Variants in STRN observed in about 807,000 individuals in gnomAD.
The protein encoded by STRN is protein phosphatase 2 regulatory subunit B'''alpha.
Under a neutral mutation model 96.3 loss-of-function variants are expected in STRN, and 53 were observed. That is an observed-to-expected ratio of 0.55 (90% CI 0.44 to 0.69). The LOEUF is 0.69. Among genes scored for constraint, STRN ranks in the 30% least tolerant of loss-of-function variants. The pLI is 0.00. For missense variants in STRN, 987 were observed against 963.9 expected (o/e 1.02, Z -0.32); for synonymous variants, 428 against 355.9 (o/e 1.20, Z -2.28).
Position 36,887,042 on chromosome 2 carries a change from G to GACAC in STRN, c.932-220_932-217dup, listed in dbSNP as rs70946957. On this transcript the variant is annotated intron_variant, in intron 7 of 17. Transcript: ENST00000263918. Reference sequence around the variant, plus strand: ...TTCCTAGAATCAGTTTCTCCTGAAAGACACACACACACACACACACACACA... The same window carrying GACAC: ...TTCCTAGAATCAGTTTCTCCTGAAAGACACACACACACACACACACACACACACA... 1.1e-3 allele frequency among the ~76,000 whole-genome samples: 156 copies of GACAC among 144,882 alleles called. 1 individual carries two copies. The highest frequency in any genetic ancestry group is 3.2e-3 in the African/African-American group (123 of 38,512).
At position 36,845,368 on chromosome 2, in the gene STRN, A is replaced by C. The variant is rs1668040574; in HGVS notation, c.*4088T>G. Reference sequence around the variant, plus strand: ...AAGCACCAACATAGATTTTTTTTTAATTGCATCCAACCATCATTTCAGATG... The same window carrying C: ...AAGCACCAACATAGATTTTTTTTTACTTGCATCCAACCATCATTTCAGATG... On this transcript the variant is annotated 3_prime_UTR_variant, in exon 18 of 18. Coordinates refer to ENST00000263918, the MANE Select transcript of STRN (RefSeq NM_003162.4). 1 of 152,142 alleles carries C rather than the reference A, an allele frequency of 6.6e-6. No individual in the cohort carries two copies. Among genetic ancestry groups the C allele is most frequent in the African/African-American group, 2.4e-5 (1 of 41,446 alleles). The allele number at this position is 152,142 out of a possible 1,614,324, so 9.4% of individuals were successfully genotyped here.
At chr2:36,883,837 A>G (rs929066481) in intron 9 of STRN, 95 bp downstream of exon 9, 3 of 1,182,604 alleles carry the variant, frequency 2.5e-6, no homozygotes, top group Non-Finnish European at 3.3e-6. Flanking sequence ...TCTGCAGAAT[A>G]AAGTTCTCTC....
chr2:36,851,676 C>T (rs921661842), intron 15 of STRN, among the ~76,000 whole-genome samples: 1 of 152,230 alleles, frequency 6.6e-6, no homozygotes, highest in African/African-American at 2.4e-5. Flanking sequence ...TCTAGAGCCA[C>T]TAACGCTGTT....
chr2:36,871,544 C>A (rs1668763211), intron 10 of STRN, among the ~76,000 whole-genome samples: 1 of 152,128 alleles, frequency 6.6e-6, no homozygotes, highest in Admixed American at 6.6e-5. Context: ...GAATGTATCC[C>A]TATCATTAAG....
At chr2:36,891,514 G>A (rs985541332) in intron 7 of STRN, among the ~76,000 whole-genome samples, 2 of 136,702 alleles carry the variant, frequency 1.5e-5, no homozygotes, top group Non-Finnish European at 3.4e-5. Context: ...AACAGAGTGA[G>A]ACTCTGTCAA....
intron 2 of STRN, 99 bp downstream of exon 2, chr2:36,925,006 A>C (rs1377507967): frequency 2.8e-6 from 3 of 1,073,866 alleles, no homozygotes; most frequent in Non-Finnish European, 4.2e-6. Context: ...CGGTGAGCCA[A>C]GATCGTACCA....
intron 12 of STRN, among the ~76,000 whole-genome samples, chr2:36,862,491 GTAA>G (rs755341769): frequency 3.3e-5 from 5 of 152,126 alleles, no homozygotes; most frequent in Non-Finnish European, 5.9e-5. Flanking sequence ...TTGCATTTCT[GTAA>G]TAATAAGTGT....
rs936308421 is a variant in STRN, at chr2:36,840,405, A to C, written c.*9051T>G. 1 of 152,170 alleles carries C rather than the reference A, an allele frequency of 6.6e-6. No individual in the cohort carries two copies. The highest frequency in any genetic ancestry group is 2.4e-5 in the African/African-American group (1 of 41,426). The allele number at this position is 152,170 out of a possible 1,614,324, so 9.4% of individuals were successfully genotyped here. ...GGCAGGACTGGAACTGTGCAGTATAAAGACGTTGCTACTCAGGCATTTTGT... is the reference window on the plus strand; with the variant it reads ...GGCAGGACTGGAACTGTGCAGTATACAGACGTTGCTACTCAGGCATTTTGT... On this transcript the variant is annotated 3_prime_UTR_variant, in exon 18 of 18. Coordinates refer to ENST00000263918, the MANE Select transcript of STRN (RefSeq NM_003162.4).
chr2:36,880,394 T>TG (rs1273456020), intron 9 of STRN, among the ~76,000 whole-genome samples: 2 of 152,172 alleles, frequency 1.3e-5, no homozygotes, highest in Non-Finnish European at 2.9e-5. Context: ...GAGCTATGAC[T>TG]GTACCACTGC....
chr2:36,942,266 T>C (rs1486589715), intron 1 of STRN, among the ~76,000 whole-genome samples: 2 of 152,170 alleles, frequency 1.3e-5, no homozygotes, highest in Non-Finnish European at 2.9e-5. Context: ...CAATCAAGGA[T>C]GGCAGATGAG....
intron 6 of STRN, among the ~76,000 whole-genome samples, chr2:36,894,338 C>T (rs779909370): frequency 6.6e-6 from 1 of 152,166 alleles, no homozygotes; most frequent in Non-Finnish European, 1.5e-5. Flanking sequence ...ATTATTTCTA[C>T]TGTCCTAACC....
At chr2:36,949,243 T>A (rs2148265439) in intron 1 of STRN, among the ~76,000 whole-genome samples, 1 of 152,230 alleles carries the variant, frequency 6.6e-6, no homozygotes, top group East Asian at 1.9e-4. Context: ...CATCTAGGGT[T>A]GTGTAAGTAC....
chr2:36,882,742 C>T (rs1191969681), intron 9 of STRN, among the ~76,000 whole-genome samples: 1 of 152,152 alleles, frequency 6.6e-6, no homozygotes, highest in Non-Finnish European at 1.5e-5. Flanking sequence ...GCACTCTAAT[C>T]TGAGTGACAG....
chr2:36,849,136 T>A lies in STRN; in HGVS notation c.*320A>T, dbSNP rs1668154189. 2 of 252,562 alleles carry A rather than the reference T, an allele frequency of 7.9e-6. No individual in the cohort carries two copies. Among genetic ancestry groups the A allele is most frequent in the South Asian group, 1.8e-4 (2 of 11,388 alleles). 15.6% of individuals were successfully genotyped at this position (252,562 alleles called of 1,614,324 possible). A position where few individuals can be genotyped will look rare whatever the true frequency, so the allele number is the denominator to read the frequency against. On this transcript the variant is annotated 3_prime_UTR_variant, in exon 18 of 18. Coordinates refer to ENST00000263918, the MANE Select transcript of STRN (RefSeq NM_003162.4). ...ATCCATTGTAGCATGCCCTACTTACTCAACAGGGACAAGCTAAACTTGTAT... is the reference window on the plus strand; with the variant it reads ...ATCCATTGTAGCATGCCCTACTTACACAACAGGGACAAGCTAAACTTGTAT...
At chr2:36,883,466 A>C (rs1244764395) in intron 9 of STRN, among the ~76,000 whole-genome samples, 5 of 152,180 alleles carry the variant, frequency 3.3e-5, no homozygotes, top group African/African-American at 1.2e-4. Context: ...CAAAAAACAA[A>C]AAAAAAGTAT....
intron 1 of STRN, among the ~76,000 whole-genome samples, chr2:36,959,401 T>C (rs1050092834): frequency 5.9e-5 from 9 of 152,208 alleles, no homozygotes; most frequent in Non-Finnish European, 1.3e-4. Context: ...ATTGGAATGA[T>C]ACAGATGATT....
Position 36,902,686 on chromosome 2 carries a change from A to G in STRN, c.557T>C (p.Leu186Ser). 6.2e-7 allele frequency: 1 copy of G among 1,611,780 alleles called. No individual in the cohort carries two copies. Among genetic ancestry groups the G allele is most frequent in the Non-Finnish European group, 8.5e-7 (1 of 1,178,406 alleles). The change falls in exon 5 of 18, where the codon TTG becomes TCG. Residue 186 changes from leucine to serine, a missense_variant. By Grantham distance (145) the Leu-to-Ser change is moderately radical (BLOSUM62 -2). Coordinates refer to ENST00000263918, the MANE Select transcript of STRN (RefSeq NM_003162.4). ...LDVKSKRVRALLGFSSDVTDR... is the reference protein window; with the variant it reads ...LDVKSKRVRASLGFSSDVTDR... ...CGTGACATCACTTGAAAAGCCCAAC[A>G]AAGCTCGCACTCGTTTAGATTTCAC... is the stretch of plus-strand genomic sequence containing the variant.
At chr2:36,858,667 A>G (rs1668408761) in intron 13 of STRN, among the ~76,000 whole-genome samples, 1 of 152,254 alleles carries the variant, frequency 6.6e-6, no homozygotes, top group Non-Finnish European at 1.5e-5. Context: ...CTTCACAATG[A>G]TTCTATGAAG....
chr2:36,929,806 T>C (rs890588705), intron 1 of STRN, among the ~76,000 whole-genome samples: 4 of 152,232 alleles, frequency 2.6e-5, no homozygotes, highest in African/African-American at 7.2e-5. Context: ...TGGACACTTT[T>C]CAGTAGCTTT....
Sources: gnomAD v4.1 joint callset for allele counts (sites outside exome capture counted in the v4.1 genomes callset) on GRCh38, gnomAD v4.1.1 for gene constraint, MANE v1.5 for transcripts, NCBI Gene and HGNC (gene_info 2026-07-23, HGNC 2026-07-21) for gene names.